NCOA7: variants seen among roughly 807,000 people sequenced by gnomAD.
NCOA7 encodes nuclear receptor coactivator 7.
Under a neutral mutation model 104.3 loss-of-function variants are expected in NCOA7, and 45 were observed. That is an observed-to-expected ratio of 0.43 (90% confidence interval 0.34 to 0.55). The LOEUF (loss-of-function observed/expected upper bound fraction) is 0.55, where lower values mean the gene tolerates loss of function less well. Among genes scored for constraint, NCOA7 ranks in the 20% least tolerant of loss-of-function variants. The pLI, the probability that NCOA7 is intolerant of heterozygous loss-of-function variation, is 0.02. For missense variants in NCOA7, 1,041 were observed against 1,119.7 expected (o/e 0.93, Z 1.00); for synonymous variants, 398 against 402.3 (o/e 0.99, Z 0.13).
chr6:125,909,740 G>A lies in NCOA7; in HGVS notation c.2097-5593G>A, dbSNP rs151081066. Among the ~76,000 whole-genome samples, 178 of 152,220 alleles carry A rather than the reference G, an allele frequency of 1.2e-3. 3 individuals are homozygous for A. The East Asian group carries it at 0.026, about 22-fold the overall frequency. ...CAGGAGAATCACTTGAACTCGGGAG[G>A]CAGAGGTTGCAGTGAGCCGAGATCG... On this transcript the variant is annotated intron_variant, in intron 10 of 15. Transcript: ENST00000392477.
chr6:125,826,860 C>T (rs190747781), intron 2 of NCOA7, among the ~76,000 whole-genome samples: 1 of 152,162 alleles, frequency 6.6e-6, no homozygotes, highest in African/African-American at 2.4e-5. Flanking sequence ...TGACAAGGGC[C>T]TGCATGCTGT....
chr6:125,794,441 A>T (rs943949874), intron 1 of NCOA7, among the ~76,000 whole-genome samples: 1 of 152,204 alleles, frequency 6.6e-6, no homozygotes, highest in Non-Finnish European at 1.5e-5. Context: ...ATCTTTTCCT[A>T]TGGTCTTGAG....
At position 125,889,441 on chromosome 6, in the gene NCOA7, G is replaced by T; in HGVS notation, c.1387G>T (p.Val463Leu). The T allele has an allele frequency of 6.2e-7, 1 of 1,613,976 alleles. No individual in the cohort carries two copies. Among genetic ancestry groups the T allele is most frequent in the Non-Finnish European group, 8.5e-7 (1 of 1,179,976 alleles). Residue 463 changes from valine (V) to leucine (L), a missense_variant, in exon 9 of 16, where the codon GTG (valine) becomes TTG (leucine). Around this residue, in one of 2 missense-constraint regions of NCOA7, gnomAD observed 914 missense variants for 942.7 expected, o/e 0.97. Transcript: ENST00000392477. ...QINNSAVEMQ[V>L]QSALAFLGTE... ...AAACAATTCTGCCGTGGAAATGCAG[G>T]TGCAGTCAGCCCTAGCCTTTTTGGG...
chr6:125,869,267 G>A (rs1782680183), intron 3 of NCOA7, among the ~76,000 whole-genome samples: 1 of 152,070 alleles, frequency 6.6e-6, no homozygotes, highest in African/African-American at 2.4e-5. Flanking sequence ...GTTCTTGCTG[G>A]TTTTTCTCAG....
chr6:125,864,037 G>A (rs1231906982), intron 3 of NCOA7, among the ~76,000 whole-genome samples: 2 of 136,582 alleles, frequency 1.5e-5, no homozygotes, highest in Non-Finnish European at 3.1e-5. Flanking sequence ...GGGCAGTTTG[G>A]CTGTTTTTAT....
chr6:125,839,068 A>C (rs971869280), intron 2 of NCOA7, among the ~76,000 whole-genome samples: 11 of 152,184 alleles, frequency 7.2e-5, no homozygotes, highest in Admixed American at 6.6e-4. Flanking sequence ...TTGGAGGTTC[A>C]TTACCTATGC....
At chr6:125,884,704 C>G (rs1290663597) in intron 7 of NCOA7, among the ~76,000 whole-genome samples, 2 of 152,174 alleles carry the variant, frequency 1.3e-5, no homozygotes, top group Admixed American at 6.5e-5. Flanking sequence ...GGCACTGTAA[C>G]TCTGAAACAG....
chr6:125,864,022 G>T (rs989663258), intron 3 of NCOA7, among the ~76,000 whole-genome samples: 1 of 110,306 alleles, frequency 9.1e-6, no homozygotes, highest in Admixed American at 8.0e-5. Context: ...AGGTTTTTTT[G>T]GGGGGGGCAG....
chr6:125,899,009 A>G (rs1583493375), intron 10 of NCOA7, among the ~76,000 whole-genome samples: 1 of 152,180 alleles, frequency 6.6e-6, no homozygotes, highest in East Asian at 1.9e-4. Context: ...TAATAATACT[A>G]TATAGATCAT....
chr6:125,849,575 A>G (rs183250550), intron 2 of NCOA7, among the ~76,000 whole-genome samples: 2 of 152,164 alleles, frequency 1.3e-5, no homozygotes, highest in Non-Finnish European at 2.9e-5. Context: ...CTGTTATGAC[A>G]TGTTTTGTTT....
Position 125,852,851 on chromosome 6 carries a change from C to T in NCOA7, c.51-2169C>T, listed in dbSNP as rs779189554. Among the ~76,000 whole-genome samples the T allele has an allele frequency of 3.9e-5, 6 of 152,028 alleles. 1 individual carries two copies. Among genetic ancestry groups the T allele is most frequent in the Admixed American group, 1.3e-4 (2 of 15,254 alleles). On this transcript the variant is annotated intron_variant, in intron 2 of 15. Transcript: ENST00000392477. ...AATTTGAAGTTGGGTAATGTGATGT[C>T]GGGTAATGTGATGCCTTCAGATTTA...
intron 2 of NCOA7, among the ~76,000 whole-genome samples, chr6:125,818,225 C>T (rs926564035): frequency 6.6e-6 from 1 of 152,094 alleles, no homozygotes; most frequent in Non-Finnish European, 1.5e-5. Flanking sequence ...AGGTAACTGC[C>T]GGTTCATGAA....
chr6:125,782,961 G>A (rs549398587), intron 1 of NCOA7, among the ~76,000 whole-genome samples: 1 of 152,280 alleles, frequency 6.6e-6, no homozygotes, highest in South Asian at 2.1e-4. Context: ...GAGGCGGGGG[G>A]CAGAGGAGTC....
intron 2 of NCOA7, among the ~76,000 whole-genome samples, chr6:125,838,808 A>G (rs1281862574): frequency 6.6e-6 from 1 of 152,072 alleles, no homozygotes; most frequent in Non-Finnish European, 1.5e-5. Context: ...GTTCACTAGA[A>G]CTGCGCAGGG....
At chr6:125,849,325 C>T (rs949140396) in intron 2 of NCOA7, among the ~76,000 whole-genome samples, 2 of 152,148 alleles carry the variant, frequency 1.3e-5, no homozygotes, top group African/African-American at 2.4e-5. Context: ...TATAAAAAAG[C>T]CAAGAGATTC....
chr6:125,853,340 A>G (rs1191117401), intron 2 of NCOA7, among the ~76,000 whole-genome samples: 1 of 152,164 alleles, frequency 6.6e-6, no homozygotes, highest in Non-Finnish European at 1.5e-5. Flanking sequence ...TTGATTGTAT[A>G]ATTGGCAAAC....
At chr6:125,837,376 T>C (rs1779701422) in intron 2 of NCOA7, among the ~76,000 whole-genome samples, 1 of 152,142 alleles carries the variant, frequency 6.6e-6, no homozygotes, top group Non-Finnish European at 1.5e-5. Flanking sequence ...AAGAAATAAG[T>C]ATATCAGAGA....
intron 5 of NCOA7, among the ~76,000 whole-genome samples, chr6:125,880,146 TG>T (rs1783701723): frequency 2.0e-5 from 3 of 152,116 alleles, no homozygotes; most frequent in Non-Finnish European, 2.9e-5. Context: ...TTTTTTGGGG[TG>T]GGGGTAGTTT....
At position 125,898,984 on chromosome 6, in the gene NCOA7, A is replaced by G. The variant is rs1785271221; in HGVS notation, c.2096+8174A>G. ...GTATAGCCTTTTAGCCTTTCTTTCA[A>G]TGCATGGATTAATGTAATAATACTA... On this transcript the variant is annotated intron_variant, in intron 10 of 15. Transcript: ENST00000392477. Among the ~76,000 whole-genome samples the G allele has an allele frequency of 3.3e-5, 5 of 152,154 alleles. No homozygotes were observed. In the South Asian group the frequency reaches 1.0e-3, roughly 31 times the overall value.
Sources: allele counts gnomAD v4.1 joint callset (sites outside exome capture counted in the v4.1 genomes callset), GRCh38; gene constraint gnomAD v4.1.1; regional missense constraint gnomAD v4.1.1; transcripts MANE v1.5; gene names NCBI Gene and HGNC (gene_info 2026-07-23, HGNC 2026-07-21).